CNGB1: variants seen among roughly 807,000 people sequenced by gnomAD.
CNGB1 encodes the protein cyclic nucleotide-gated channel beta-1.
CNGB1 carries 126 observed loss-of-function variants against 151.7 expected under a neutral mutation model. That is an observed-to-expected ratio of 0.83 (90% confidence interval 0.72 to 0.96). The LOEUF is 0.96. Ranked by LOEUF, CNGB1 falls within the 40% of genes least tolerant of loss-of-function variation. The pLI is 0.00. For missense variants in CNGB1, 1,698 were observed against 1,627.0 expected, an observed-to-expected ratio of 1.04 and a Z score of -0.75; for synonymous variants, 623 against 635.1, an observed-to-expected ratio of 0.98 and a Z score of 0.29.
intron 3 of CNGB1, 55 bp from the exon 4 acceptor site, chr16:57,964,257 A>T: frequency 1.9e-6 from 3 of 1,567,808 alleles, no homozygotes; most frequent in Non-Finnish European, 2.6e-6. Context: ...GCCCATTTCT[A>T]CCCTGCTTGG....
chr16:57,889,523 A>G (rs1960028832), intron 31 of CNGB1, among the ~76,000 whole-genome samples: 1 of 152,250 alleles, frequency 6.6e-6, no homozygotes, highest in Admixed American at 6.5e-5. Flanking sequence ...CATCTTGATG[A>G]CAATCTTGCA....
chr16:57,943,075 G>C (rs192778101), intron 14 of CNGB1, among the ~76,000 whole-genome samples: 11 of 152,124 alleles, frequency 7.2e-5, no homozygotes, highest in Admixed American at 5.9e-4. Context: ...GCACAGCCAA[G>C]GAAACAATCA....
intron 16 of CNGB1, among the ~76,000 whole-genome samples, chr16:57,932,815 C>T (rs62041770): frequency 2.0e-5 from 3 of 152,284 alleles, no homozygotes; most frequent in East Asian, 1.9e-4. Flanking sequence ...CTCCTGACCT[C>T]GTGATCCACC....
At chr16:57,932,611 G>C (rs544897103) in intron 16 of CNGB1, among the ~76,000 whole-genome samples, 1 of 150,674 alleles carries the variant, frequency 6.6e-6, no homozygotes, top group African/African-American at 2.4e-5. Context: ...ACAGAGTCTT[G>C]CTCTGTCACC....
chr16:57,920,612 C>G, intron 18 of CNGB1, 68 bp from the exon 19 acceptor site: 1 of 1,587,880 alleles, frequency 6.3e-7, no homozygotes. Context: ...CAGGCCAGAG[C>G]TGTGCAGCGT....
chr16:57,954,920 A>C, intron 12 of CNGB1: 3 of 1,028,992 alleles, frequency 2.9e-6, no homozygotes, highest in Non-Finnish European at 3.5e-6. Context: ...ATTAATTTAA[A>C]AAAGGTTTTT....
At chr16:57,957,301 T>C in intron 12 of CNGB1, 40 bp downstream of exon 12, 1 of 1,600,138 alleles carries the variant, frequency 6.2e-7, no homozygotes, top group South Asian at 1.1e-5. Context: ...AAGCAACCCT[T>C]CCTAATATGT....
chr16:57,945,042 C>G (rs1379429311), intron 14 of CNGB1, among the ~76,000 whole-genome samples: 3 of 151,872 alleles, frequency 2.0e-5, no homozygotes, highest in Admixed American at 6.6e-5. Flanking sequence ...CTCACATAAC[C>G]CTGACAGATC....
At chr16:57,964,626 G>C in intron 2 of CNGB1, 82 bp from the exon 3 acceptor site, 2 of 1,389,630 alleles carry the variant, frequency 1.4e-6, no homozygotes, top group South Asian at 2.3e-5. Context: ...CTCCCTCAAG[G>C]GATCCCTGCC....
rs116440176 is a variant in CNGB1 at position 57,896,862 on chromosome 16, C to T, written c.3242+535G>A. Among the ~76,000 whole-genome samples, 478 of 152,018 alleles carry T rather than the reference C, an allele frequency of 3.1e-3. 5 individuals are homozygous for T. Among genetic ancestry groups the T allele is most frequent in the African/African-American group, 0.011 (455 of 41,454 alleles). On this transcript the variant is annotated intron_variant, in intron 31 of 32. Coordinates refer to ENST00000251102, the MANE Select transcript of CNGB1 (RefSeq NM_001297.5). ...CAAGGAAGACTAAGAATACTCTGCA[C>T]CTTAATTACAATATGTGATCCTAGA...
rs537095233 is a variant in CNGB1, at chr16:57,942,560, C to T, written c.1122-2239G>A. 1.3e-4 allele frequency among the ~76,000 whole-genome samples: 20 copies of T among 152,166 alleles called. No homozygotes were observed. The South Asian group carries it at 1.7e-3, about 13-fold the overall frequency. On this transcript the variant is annotated intron_variant, in intron 14 of 32. Transcript: ENST00000251102. ...CCATATGCTGAAAACTATAAAACAT[C>T]GACGAAAGAAACTCAAGAAGATGGC...
intron 16 of CNGB1, among the ~76,000 whole-genome samples, chr16:57,938,278 G>C (rs962413796): frequency 6.6e-6 from 1 of 152,154 alleles, no homozygotes; most frequent in African/African-American, 2.4e-5. Flanking sequence ...CCCAGGCCTG[G>C]ACTTAGTAGG....
chr16:57,954,744 G>A (rs1254449209), intron 12 of CNGB1: 1 of 969,550 alleles, frequency 1.0e-6, no homozygotes, highest in African/African-American at 1.7e-5. Context: ...GTGTCCCCAA[G>A]CCTTGGAAGG....
At position 57,916,114 on chromosome 16, in the gene CNGB1, A is replaced by G. The variant is rs1960861159; in HGVS notation, c.2217+15T>C. Reference sequence around the variant, plus strand: ...AAACCCCGCAGACGCTAAACCTTGCATGCCCGGCACACACCTTGAAGCGGC... The same window carrying G: ...AAACCCCGCAGACGCTAAACCTTGCGTGCCCGGCACACACCTTGAAGCGGC... On this transcript the variant is annotated intron_variant, in intron 22 of 32. Transcript: ENST00000251102. 1 of 1,613,764 alleles carries G rather than the reference A, an allele frequency of 6.2e-7. No individual in the cohort carries two copies. Among genetic ancestry groups the G allele is most frequent in the East Asian group, 2.2e-5 (1 of 44,876 alleles).
intron 23 of CNGB1, among the ~76,000 whole-genome samples, chr16:57,914,436 TG>T (rs1199069864): frequency 1.3e-4 from 20 of 152,222 alleles, no homozygotes; most frequent in African/African-American, 4.3e-4. Context: ...TCAGGGCACT[TG>T]CACGCCCCCT....
At chr16:57,931,110 CATTT>C (rs1258668171) in intron 17 of CNGB1, among the ~76,000 whole-genome samples, 1 of 150,672 alleles carries the variant, frequency 6.6e-6, no homozygotes, top group Non-Finnish European at 1.5e-5. Context: ...AATTCTGTAA[CATTT>C]ATTATGTATT....
chr16:57,970,783 C>T (rs1196893238), intron 1 of CNGB1, among the ~76,000 whole-genome samples: 1 of 152,100 alleles, frequency 6.6e-6, no homozygotes, highest in East Asian at 1.9e-4. Context: ...GCTCGGGGAG[C>T]CATGGTGTTG....
At chr16:57,956,457 T>C (rs1352937086) in intron 12 of CNGB1, among the ~76,000 whole-genome samples, 9 of 152,136 alleles carry the variant, frequency 5.9e-5, no homozygotes, top group Non-Finnish European at 2.9e-5. Context: ...CACAGTCCAC[T>C]GGGCTGTGTG....
At chr16:57,889,190 A>G (rs890349291) in intron 31 of CNGB1, among the ~76,000 whole-genome samples, 2 of 152,218 alleles carry the variant, frequency 1.3e-5, no homozygotes, top group East Asian at 3.9e-4. Context: ...AGTAATAGAG[A>G]CGGGGTCTCC....
Sources: gnomAD v4.1 joint callset for allele counts (sites outside exome capture counted in the v4.1 genomes callset) on GRCh38, gnomAD v4.1.1 for gene constraint, MANE v1.5 for transcripts, NCBI Gene and HGNC (gene_info 2026-07-23, HGNC 2026-07-21) for gene names.